NUP210L: variants seen among roughly 807,000 people sequenced by gnomAD.
NUP210L encodes the protein nuclear pore membrane glycoprotein 210-like.
In NUP210L, 74 loss-of-function variants were observed where a neutral mutation model predicts 208.5. The observed-to-expected ratio is 0.35, with a 90% CI of 0.29 to 0.43. NUP210L has a LOEUF of 0.43. NUP210L is among the 20% of genes least tolerant of loss of function. The pLI is 1.00. For synonymous variants in NUP210L, 780 were observed against 816.9 expected (o/e 0.95, Z 0.77); for missense variants, 1,843 against 2,289.4 (o/e 0.81, Z 3.98).
rs757973047 is a variant in NUP210L, at chr1:154,035,888, C to T, written c.3697-5834G>A. ...AGCTGAGATTACAGGTACCTGCCACCGCGCCTGGCTAATTTTTTGTATTTT... is the reference window on the plus strand; with the variant it reads ...AGCTGAGATTACAGGTACCTGCCACTGCGCCTGGCTAATTTTTTGTATTTT... On this transcript the variant is annotated intron_variant, in intron 27 of 39. Coordinates refer to ENST00000368559, the Ensembl canonical transcript of NUP210L. 7.9e-5 allele frequency among the ~76,000 whole-genome samples: 12 copies of T among 151,884 alleles called. No individual in the cohort carries two copies. The East Asian group carries it at 9.7e-4, about 12-fold the overall frequency.
At chr1:154,129,403 C>T (rs1226903882) in intron 7 of NUP210L, 58 bp from the exon 8 acceptor site, 35 of 994,134 alleles carry the variant, frequency 3.5e-5, no homozygotes, top group Non-Finnish European at 7.8e-6. Flanking sequence ...GGTGAGGTAC[C>T]AAAGGAGAAA....
intron 7 of NUP210L, among the ~76,000 whole-genome samples, chr1:154,134,734 CAAAAAA>C (rs67813355): frequency 5.9e-5 from 4 of 67,314 alleles, no homozygotes; most frequent in Non-Finnish European, 7.6e-5. Context: ...GACTCCGTCT[CAAAAAA>C]AAAAAAAAAA....
chr1:154,083,117 C>T (rs1655436516), intron 16 of NUP210L, among the ~76,000 whole-genome samples: 1 of 152,190 alleles, frequency 6.6e-6, no homozygotes, highest in African/African-American at 2.4e-5. Context: ...CACAGAAAAG[C>T]AACCGAGCAG....
At chr1:154,088,926 C>T (rs1655760362) in intron 16 of NUP210L, among the ~76,000 whole-genome samples, 1 of 152,062 alleles carries the variant, frequency 6.6e-6, no homozygotes, top group Non-Finnish European at 1.5e-5. Context: ...TTAGTAGCTA[C>T]ATTATTGTTT....
In NUP210L at chr1:154,030,192, T is replaced by C. The variant is rs576840008; in HGVS notation, c.3697-138A>G. ...GGAAAGGGTGGGAGGGGGCGAGGGA[T>C]AGAAGACTACAAATAGGGAGCAGTG... On this transcript the variant is annotated intron_variant, in intron 27 of 39. Transcript: ENST00000368559. 2.5e-5 allele frequency: 13 copies of C among 526,490 alleles called. No homozygotes were observed. The East Asian group carries it at 3.5e-4, about 14-fold the overall frequency. The allele number at this position is 526,490 out of a possible 1,614,324, so 32.6% of individuals were successfully genotyped here.
intron 28 of NUP210L, among the ~76,000 whole-genome samples, 173 bp from the exon 29 acceptor site, chr1:154,027,770 A>G (rs1484293048): frequency 6.6e-6 from 1 of 152,184 alleles, no homozygotes; most frequent in Non-Finnish European, 1.5e-5. Flanking sequence ...CTCCTCTCCA[A>G]AATGAACCAG....
At chr1:154,116,379 A>G (rs1406149143) in intron 12 of NUP210L, among the ~76,000 whole-genome samples, 2 of 150,596 alleles carry the variant, frequency 1.3e-5, no homozygotes, top group African/African-American at 4.9e-5. Flanking sequence ...AGCTGAGATC[A>G]CGCCACTGCA....
At chr1:154,102,099 C>T (rs12562458) in intron 13 of NUP210L, among the ~76,000 whole-genome samples, 1 of 151,850 alleles carries the variant, frequency 6.6e-6, no homozygotes, top group South Asian at 2.1e-4. Context: ...TGCAGTGAGC[C>T]GAGATTGCAC....
chr1:154,091,082 T>TATTATTATC (rs1374422029), intron 15 of NUP210L, among the ~76,000 whole-genome samples: 1 of 145,046 alleles, frequency 6.9e-6, no homozygotes, highest in Non-Finnish European at 1.5e-5. Context: ...TTATTATTAT[T>TATTATTATC]ATTATTATTA....
intron 13 of NUP210L, among the ~76,000 whole-genome samples, chr1:154,103,003 G>T (rs1000650415): frequency 2.0e-5 from 3 of 152,050 alleles, no homozygotes; most frequent in African/African-American, 7.2e-5. Context: ...TTGGGCCCAG[G>T]AGTTCAAGGT....
At chr1:154,088,874 T>C (rs1344716975) in intron 16 of NUP210L, among the ~76,000 whole-genome samples, 1 of 152,208 alleles carries the variant, frequency 6.6e-6, no homozygotes, top group Non-Finnish European at 1.5e-5. Context: ...TTCTACTTTC[T>C]AGGATAGATA....
intron 12 of NUP210L, among the ~76,000 whole-genome samples, chr1:154,114,379 T>C (rs1353922750): frequency 1.3e-5 from 2 of 152,150 alleles, no homozygotes; most frequent in East Asian, 1.9e-4. Context: ...CTTCCTATGT[T>C]TCTTAAAGTG....
At chr1:154,029,810 C>G (rs1043274911) in intron 28 of NUP210L, 86 bp downstream of exon 28, 1 of 1,050,578 alleles carries the variant, frequency 9.5e-7, no homozygotes, top group Non-Finnish European at 1.4e-6. Flanking sequence ...CTGTCTCTAT[C>G]CAGACTAAGC....
intron 38 of NUP210L, among the ~76,000 whole-genome samples, chr1:153,993,302 C>T (rs1046067363): frequency 4.6e-5 from 7 of 152,150 alleles, no homozygotes; most frequent in African/African-American, 1.7e-4. Flanking sequence ...CACGGTGGCT[C>T]ACGCCTGTAA....
intron 8 of NUP210L, 136 bp from the exon 9 acceptor site, chr1:154,127,553 CTTTTTTTT>C (rs10531787): frequency 5.4e-5 from 10 of 184,820 alleles, no homozygotes; most frequent in Admixed American, 1.8e-4. Context: ...AAAGTAGGTT[CTTTTTTTT>C]TTTTTTTTTT....
chr1:154,083,103 G>A (rs11265040), intron 16 of NUP210L, among the ~76,000 whole-genome samples: 35,729 of 151,960 alleles, frequency 0.24, 5,122 homozygotes, highest in Admixed American at 0.36. Flanking sequence ...CAAATATTCC[G>A]CAGCACAGAA....
chr1:154,138,168 T>G (rs767759157), exon 6 of NUP210L: 1 of 1,538,754 alleles, frequency 6.5e-7, no homozygotes. Flanking sequence ...TACTAAGAGA[T>G]AAATATCATG....
At chr1:154,117,243 T>C (rs925832098) in intron 12 of NUP210L, among the ~76,000 whole-genome samples, 3 of 152,192 alleles carry the variant, frequency 2.0e-5, no homozygotes, top group Admixed American at 1.3e-4. Flanking sequence ...TAAGTGACTA[T>C]TAAGTGAAGC....
At chr1:154,055,377 A>C (rs912310788) in intron 23 of NUP210L, among the ~76,000 whole-genome samples, 1 of 151,760 alleles carries the variant, frequency 6.6e-6, no homozygotes, top group African/African-American at 2.4e-5. Flanking sequence ...CAGCCTCCCA[A>C]GTAGCTGGGA....
Sources: allele counts gnomAD v4.1 joint callset (sites outside exome capture counted in the v4.1 genomes callset), GRCh38; gene constraint gnomAD v4.1.1; transcripts MANE v1.5; gene names NCBI Gene and HGNC (gene_info 2026-07-23, HGNC 2026-07-21).